Variants in DEF6 observed in about 807,000 individuals in gnomAD.
The protein encoded by DEF6 is differentially expressed in FDCP 6 homolog.
Under a neutral mutation model 80.5 loss-of-function variants are expected in DEF6, and 32 were observed. The observed-to-expected ratio is 0.40, with a 90% confidence interval of 0.30 to 0.53. The LOEUF (loss-of-function observed/expected upper bound fraction) is 0.53. Among genes scored for constraint, DEF6 ranks in the 20% least tolerant of loss-of-function variants. The pLI is 0.57. For missense variants in DEF6, 575 were observed against 818.7 expected (o/e 0.70, Z 3.63); for synonymous variants, 300 against 337.9 (o/e 0.89, Z 1.23).
intron 5 of DEF6, among the ~76,000 whole-genome samples, chr6:35,313,544 C>T (rs967936703): frequency 1.3e-5 from 2 of 152,088 alleles, no homozygotes; most frequent in Admixed American, 6.6e-5. Context: ...TCTATTGAAT[C>T]CTAGGTCTTA....
In DEF6 at chr6:35,312,091, G is replaced by A. The variant is rs1249193937; in HGVS notation, c.424-211G>A. ...AGGAGTGGGACTGGAGGTTGTGGAC[G>A]GGGAGAGAAAACCTGAGTTGGGGTT... On this transcript the variant is annotated intron_variant, in intron 3 of 10. Coordinates refer to ENST00000316637, the MANE Select transcript of DEF6 (RefSeq NM_022047.4). This position sits in a 1 kb window ranked among gnomAD's most constrained non-coding sequence, Gnocchi z 6.6. Among the ~76,000 whole-genome samples, 2 of 152,164 alleles carry A rather than the reference G, an allele frequency of 1.3e-5. No individual in the cohort carries two copies. Among genetic ancestry groups the A allele is most frequent in the Non-Finnish European group, 2.9e-5 (2 of 68,042 alleles).
chr6:35,308,712 TAAAATA>T (rs1433247414), intron 1 of DEF6, among the ~76,000 whole-genome samples: 2 of 135,348 alleles, frequency 1.5e-5, no homozygotes, highest in South Asian at 4.7e-4. Flanking sequence ...TAAAATAAAA[TAAAATA>T]AAATAAAATA....
At position 35,305,050 on chromosome 6, in the gene DEF6, T is replaced by G. The variant is rs540196482; in HGVS notation, c.97-4620T>G. On this transcript the variant is annotated intron_variant, in intron 1 of 10. Transcript: ENST00000316637. ...GAGGATCTCTTGAGCCCAGGAGGGC[T>G]CTTCCTGCCTCGGCCTCCTAAAGCA... is the stretch of plus-strand genomic sequence containing the variant. Among the ~76,000 whole-genome samples, 11 of 145,580 alleles carry G rather than the reference T, an allele frequency of 7.6e-5. No individual in the cohort carries two copies. In the East Asian group the frequency reaches 2.1e-3, roughly 28 times the overall value.
At chr6:35,303,902 G>T (rs1382913806) in intron 1 of DEF6, among the ~76,000 whole-genome samples, 2 of 152,226 alleles carry the variant, frequency 1.3e-5, no homozygotes, top group Non-Finnish European at 1.5e-5. Flanking sequence ...GGAGGCCGAG[G>T]CGGGTGGATC....
chr6:35,319,811 C>T lies in DEF6; in HGVS notation c.1383-8C>T, dbSNP rs1286832560. 1.1e-5 allele frequency: 18 copies of T among 1,601,076 alleles called. No individual in the cohort carries two copies. Among genetic ancestry groups the T allele is most frequent in the Non-Finnish European group, 1.4e-5 (17 of 1,173,660 alleles). On this transcript the variant is annotated splice_polypyrimidine_tract_variant and splice_region_variant and intron_variant, in intron 8 of 10. Coordinates refer to ENST00000316637, the MANE Select transcript of DEF6 (RefSeq NM_022047.4). This position sits in a 1 kb window ranked among gnomAD's most constrained non-coding sequence, Gnocchi z 4.5. Reference sequence around the variant, plus strand: ...CTAGAGGCTACACAGTACACACTCACCCGGCAGACTGCTGGAAGAGGAGGA... The same window carrying T: ...CTAGAGGCTACACAGTACACACTCATCCGGCAGACTGCTGGAAGAGGAGGA...
Position 35,321,657 on chromosome 6 carries a change from A to G in DEF6, c.*247A>G. 1 of 394,210 alleles carries G rather than the reference A, an allele frequency of 2.5e-6. No individual in the cohort carries two copies. The allele number at this position is 394,210 out of a possible 1,614,324, so 24.4% of individuals were successfully genotyped here. ...AACTTGGCCCTGTGCTTTAGACCCAAGGACCCGATTCTTGGGCTAGGAAAG... is the reference window on the plus strand; with the variant it reads ...AACTTGGCCCTGTGCTTTAGACCCAGGGACCCGATTCTTGGGCTAGGAAAG... On this transcript the variant is annotated 3_prime_UTR_variant, in exon 11 of 11. Transcript: ENST00000316637.
rs776572938 is a variant in DEF6 at position 35,312,667 on chromosome 6, C to T, written c.702C>T (p.Ala234=). The T allele has an allele frequency of 2.5e-6, 4 of 1,613,754 alleles. No homozygotes were observed. The highest frequency in any genetic ancestry group is 2.5e-6 in the Non-Finnish European group (3 of 1,179,918). The change falls in exon 5 of 11, where the codon GCC becomes GCT. Residue 234 remains alanine (A), a synonymous_variant. Coordinates refer to ENST00000316637, the MANE Select transcript of DEF6 (RefSeq NM_022047.4). This position sits in a 1 kb window ranked among gnomAD's most constrained non-coding sequence, Gnocchi z 6.6. ...GAGGGCACCTGAGAAGGAACTGGGC[C>T]GAACGCTGGTTCCAGCTGCAGCCCA... ...WKRGHLRRNW[A]ERWFQLQPSC... is the part of the protein sequence containing the mutation.
chr6:35,318,021 T>C lies in DEF6; in HGVS notation c.916+22T>C. 1 of 1,602,434 alleles carries C rather than the reference T, an allele frequency of 6.2e-7. No homozygotes were observed. The highest frequency in any genetic ancestry group is 8.5e-7 in the Non-Finnish European group (1 of 1,173,996). ...GCTGGTGAGTGCTCGCTAGGTGGCTTGGGTCTGGGTGGTCCTTAGGCGCCT... is the reference window on the plus strand; with the variant it reads ...GCTGGTGAGTGCTCGCTAGGTGGCTCGGGTCTGGGTGGTCCTTAGGCGCCT... On this transcript the variant is annotated intron_variant, in intron 6 of 10. Coordinates refer to ENST00000316637, the MANE Select transcript of DEF6 (RefSeq NM_022047.4). This position sits in a 1 kb window ranked among gnomAD's most constrained non-coding sequence, Gnocchi z 5.1.
chr6:35,318,158 C>A lies in DEF6; in HGVS notation c.917-15C>A. 6.5e-7 allele frequency: 1 copy of A among 1,543,802 alleles called. No homozygotes were observed. Among genetic ancestry groups the A allele is most frequent in the South Asian group, 1.2e-5 (1 of 80,368 alleles). ...TGTGCGAGGATCCTACTGACCCGCT[C>A]CCGCTCTTCGGCAGCCATCCAGATG... On this transcript the variant is annotated splice_polypyrimidine_tract_variant and intron_variant, in intron 6 of 10. Coordinates refer to ENST00000316637, the MANE Select transcript of DEF6 (RefSeq NM_022047.4). The surrounding 1 kb of genome is among the most constrained non-coding windows in gnomAD (Gnocchi z 5.1).
At chr6:35,306,286 G>A (rs1045481985) in intron 1 of DEF6, among the ~76,000 whole-genome samples, 8 of 151,108 alleles carry the variant, frequency 5.3e-5, no homozygotes, top group Non-Finnish European at 7.4e-5. Context: ...CGAGGCGGGC[G>A]GAACACCTGA....
chr6:35,312,391 G>A lies in DEF6; in HGVS notation c.513G>A (p.Gln171=), dbSNP rs2150387385. 6.2e-7 allele frequency: 1 copy of A among 1,614,150 alleles called. No homozygotes were observed. Among genetic ancestry groups the A allele is most frequent in the East Asian group, 2.2e-5 (1 of 44,876 alleles). The change falls in exon 4 of 11, where the codon CAG becomes CAA. Residue 171 remains glutamine, a synonymous_variant. Coordinates refer to ENST00000316637, the MANE Select transcript of DEF6 (RefSeq NM_022047.4). This position sits in a 1 kb window ranked among gnomAD's most constrained non-coding sequence, Gnocchi z 6.6. ...ELEELLAQEA[Q]VAQTTGGLSV... ...AGGAGCTTCTGGCCCAGGAGGCCCAGGTGGCCCAGACCACCGGGGGGCTCA... is the reference window on the plus strand; with the variant it reads ...AGGAGCTTCTGGCCCAGGAGGCCCAAGTGGCCCAGACCACCGGGGGGCTCA...
intron 10 of DEF6, 53 bp downstream of exon 10, chr6:35,321,027 G>A (rs988004017): frequency 1.5e-5 from 24 of 1,600,092 alleles, no homozygotes; most frequent in Non-Finnish European, 1.9e-5. Flanking sequence ...GGAGAAAGGA[G>A]GGAGAAAGGT....
chr6:35,301,406 C>G (rs942209770), intron 1 of DEF6, among the ~76,000 whole-genome samples: 1 of 152,212 alleles, frequency 6.6e-6, no homozygotes. Flanking sequence ...TGACTTTAAG[C>G]AAGTCACTGT....
chr6:35,307,046 A>G (rs1000584273), intron 1 of DEF6, among the ~76,000 whole-genome samples: 1 of 152,220 alleles, frequency 6.6e-6, no homozygotes, highest in African/African-American at 2.4e-5. Flanking sequence ...TATTATAAAC[A>G]ATGCTTAATG....
intron 1 of DEF6, among the ~76,000 whole-genome samples, chr6:35,306,523 AAAG>A (rs917882023): frequency 6.6e-6 from 1 of 152,036 alleles, no homozygotes; most frequent in Admixed American, 6.6e-5. Flanking sequence ...AAAAAAAAAA[AAAG>A]ATGAAAGTTT....
rs376457063 is a variant in DEF6 at position 35,312,119 on chromosome 6, G to A, written c.424-183G>A. Among the ~76,000 whole-genome samples, 18 of 152,218 alleles carry A rather than the reference G, an allele frequency of 1.2e-4. No individual in the cohort carries two copies. The South Asian group carries it at 3.7e-3, about 32-fold the overall frequency. ...GAGAGAAAACCTGAGTTGGGGTTGG[G>A]GCTCCAGGATCCTCTCCCAGGTCTT... On this transcript the variant is annotated intron_variant, in intron 3 of 10. Transcript: ENST00000316637. The surrounding 1 kb of genome is among the most constrained non-coding windows in gnomAD (Gnocchi z 6.6).
chr6:35,305,421 C>T (rs935031548), intron 1 of DEF6, among the ~76,000 whole-genome samples: 14 of 151,886 alleles, frequency 9.2e-5, no homozygotes, highest in African/African-American at 3.1e-4. Context: ...GCCTGGGAGG[C>T]GGAAGCTGCA....
In DEF6 at chr6:35,312,044, T is replaced by TC. The variant is rs1429232265; in HGVS notation, c.424-257dup. Among the ~76,000 whole-genome samples, 2 of 152,196 alleles carry TC rather than the reference T, an allele frequency of 1.3e-5. No homozygotes were observed. The highest frequency in any genetic ancestry group is 4.8e-5 in the African/African-American group (2 of 41,440). ...CTGGACCCCAGATCTCAGGTCCCCT[T>TC]CACCTTGCCCTTAAGACAGGAAGGA... On this transcript the variant is annotated intron_variant, in intron 3 of 10. Transcript: ENST00000316637. This position sits in a 1 kb window ranked among gnomAD's most constrained non-coding sequence, Gnocchi z 6.6.
At position 35,321,506 on chromosome 6, in the gene DEF6, C is replaced by A; in HGVS notation, c.*96C>A. ...TCCCAGCTCTTACTAGGAGAGGGAG[C>A]TGAGGTCCTGGTGCCAGGGGCCCAG... On this transcript the variant is annotated 3_prime_UTR_variant, in exon 11 of 11. Coordinates refer to ENST00000316637, the MANE Select transcript of DEF6 (RefSeq NM_022047.4). 1.6e-6 allele frequency: 2 copies of A among 1,212,532 alleles called. No homozygotes were observed. The highest frequency in any genetic ancestry group is 2.3e-6 in the Non-Finnish European group (2 of 864,920). 75.1% of individuals were successfully genotyped at this position (1,212,532 alleles called of 1,614,324 possible).
Sources: gnomAD v4.1 joint callset for allele counts (sites outside exome capture counted in the v4.1 genomes callset) on GRCh38, gnomAD v4.1.1 for gene constraint, Gnocchi (gnomAD v3.1) non-coding constraint, MANE v1.5 for transcripts, NCBI Gene and HGNC (gene_info 2026-07-23, HGNC 2026-07-21) for gene names.